UBL3: variants seen among roughly 807,000 people sequenced by gnomAD.
The protein encoded by UBL3 is ubiquitin like 3, also known as ubiquitin-like protein 3.
UBL3 carries 6 observed loss-of-function variants against 18.4 expected under a neutral mutation model. That is an observed-to-expected ratio of 0.33 (90% CI 0.18 to 0.64). The LOEUF is 0.64. UBL3 is among the 30% of genes least tolerant of loss of function. UBL3 has a pLI of 0.76. For synonymous variants in UBL3, 49 were observed against 46.6 expected (o/e 1.05, Z -0.21); for missense variants, 109 against 142.9 (o/e 0.76, Z 1.21).
At chr13:29,820,668 T>C (rs928815799) in intron 1 of UBL3, among the ~76,000 whole-genome samples, 3 of 152,204 alleles carry the variant, frequency 2.0e-5, no homozygotes, top group Non-Finnish European at 4.4e-5. Flanking sequence ...TGTCCTTTCA[T>C]TCTAATGAAT....
At chr13:29,822,174 A>G (rs1265540118) in intron 1 of UBL3, among the ~76,000 whole-genome samples, 1 of 152,238 alleles carries the variant, frequency 6.6e-6, no homozygotes, top group African/African-American at 2.4e-5. Context: ...AAATTTTGTA[A>G]TCACACATTT....
rs561262395 is a variant in UBL3 at position 29,787,062 on chromosome 13, T to C, written c.28-9799A>G. Among the ~76,000 whole-genome samples the C allele has an allele frequency of 3.3e-5, 5 of 152,318 alleles. No homozygotes were observed. In the South Asian group the frequency reaches 8.3e-4, roughly 25 times the overall value. ...TTATAGAAACCATTCAACTACTTAT[T>C]AGCTAAAATATTTTTGGGGGAACAC... is the stretch of plus-strand genomic sequence containing the variant. On this transcript the variant is annotated intron_variant, in intron 1 of 4. Transcript: ENST00000380680.
intron 1 of UBL3, 92 bp downstream of exon 1, chr13:29,849,420 C>T (rs1879311770): frequency 1.3e-6 from 2 of 1,577,124 alleles, no homozygotes; most frequent in South Asian, 1.1e-5. Flanking sequence ...CGACAGTCCC[C>T]AGCAAATCTT....
chr13:29,776,257 C>CTT (rs1565989095), intron 2 of UBL3, among the ~76,000 whole-genome samples: 3 of 97,176 alleles, frequency 3.1e-5, no homozygotes, highest in African/African-American at 3.9e-5. Flanking sequence ...TTTTTCTTTT[C>CTT]TTTCTTTTTT....
chr13:29,797,702 G>C (rs373425439), intron 1 of UBL3, among the ~76,000 whole-genome samples: 18 of 152,120 alleles, frequency 1.2e-4, no homozygotes, highest in African/African-American at 4.3e-4. Flanking sequence ...TCTTAAAACT[G>C]TTGTTAGTCT....
chr13:29,823,373 T>A (rs558955737), intron 1 of UBL3, among the ~76,000 whole-genome samples: 23 of 152,210 alleles, frequency 1.5e-4, no homozygotes, highest in Non-Finnish European at 1.3e-4. Context: ...ACTCCCGACC[T>A]CAGGTGATCC....
chr13:29,843,938 A>G (rs987896342), intron 1 of UBL3, among the ~76,000 whole-genome samples: 1 of 152,236 alleles, frequency 6.6e-6, no homozygotes, highest in East Asian at 1.9e-4. Flanking sequence ...AACAGCATAT[A>G]GAATACTCAT....
At chr13:29,794,350 C>CTA (rs1296913394) in intron 1 of UBL3, among the ~76,000 whole-genome samples, 3 of 129,106 alleles carry the variant, frequency 2.3e-5, no homozygotes, top group African/African-American at 9.0e-5. Flanking sequence ...TTTACTAACA[C>CTA]TACACACACA....
intron 1 of UBL3, 155 bp from the exon 2 acceptor site, chr13:29,777,418 T>G: frequency 1.4e-6 from 1 of 715,182 alleles, no homozygotes; most frequent in Non-Finnish European, 2.5e-6. Flanking sequence ...TTAAAAAGAA[T>G]GGGAATTTGA....
chr13:29,775,927 T>C (rs1876974426), intron 2 of UBL3, among the ~76,000 whole-genome samples: 1 of 151,884 alleles, frequency 6.6e-6, no homozygotes, highest in East Asian at 1.9e-4. Flanking sequence ...GACGGTCTTA[T>C]TATATAAAAA....
In UBL3 at chr13:29,849,671, T is replaced by C; in HGVS notation, c.-133A>G. 1 of 1,231,504 alleles carries C rather than the reference T, an allele frequency of 8.1e-7. No homozygotes were observed. The highest frequency in any genetic ancestry group is 1.2e-6 in the Non-Finnish European group (1 of 868,216). The allele number at this position is 1,231,504 out of a possible 1,614,324, so 76.3% of individuals were successfully genotyped here. On this transcript the variant is annotated 5_prime_UTR_variant, in exon 1 of 5. Transcript: ENST00000380680. Reference sequence around the variant, plus strand: ...TGTGCTTTCTCCCCCAAAAATAAAGTTATTTTGGAGCCAAAGTGCCGGTCA... The same window carrying C: ...TGTGCTTTCTCCCCCAAAAATAAAGCTATTTTGGAGCCAAAGTGCCGGTCA...
chr13:29,792,022 T>C (rs145902267), intron 1 of UBL3, among the ~76,000 whole-genome samples: 1 of 152,290 alleles, frequency 6.6e-6, no homozygotes, highest in African/African-American at 2.4e-5. Context: ...TTGGTTGTGT[T>C]TTGTTTCTCG....
At chr13:29,835,121 T>TAA (rs1174954685) in intron 1 of UBL3, among the ~76,000 whole-genome samples, 13 of 23,666 alleles carry the variant, frequency 5.5e-4, no homozygotes, top group South Asian at 1.4e-3. Context: ...TATATATATA[T>TAA]ATAAATATAT....
chr13:29,837,215 C>A (rs1267632956), intron 1 of UBL3, among the ~76,000 whole-genome samples: 1 of 151,954 alleles, frequency 6.6e-6, no homozygotes, highest in African/African-American at 2.4e-5. Context: ...GAAAAAGGAT[C>A]AAATAATCAA....
chr13:29,806,114 T>C (rs1170002879), intron 1 of UBL3, among the ~76,000 whole-genome samples: 1 of 152,256 alleles, frequency 6.6e-6, no homozygotes, highest in East Asian at 1.9e-4. Flanking sequence ...GAGGCAGAGG[T>C]TGCAGTGAGT....
chr13:29,782,714 T>C (rs1877209576), intron 1 of UBL3, among the ~76,000 whole-genome samples: 1 of 152,174 alleles, frequency 6.6e-6, no homozygotes. Flanking sequence ...TAAAATCTTC[T>C]ACTCAGAGGA....
intron 1 of UBL3, among the ~76,000 whole-genome samples, chr13:29,805,162 T>G (rs921301164): frequency 4.6e-5 from 7 of 152,162 alleles, no homozygotes; most frequent in Non-Finnish European, 8.8e-5. Flanking sequence ...AATTAAGAGG[T>G]ATTTAAAATA....
chr13:29,783,303 A>G (rs1339011025), intron 1 of UBL3, among the ~76,000 whole-genome samples: 1 of 152,250 alleles, frequency 6.6e-6, no homozygotes, highest in Non-Finnish European at 1.5e-5. Context: ...ATTAACGTAT[A>G]CATTTGGGTC....
chr13:29,790,312 C>CTAG (rs1877448614), intron 1 of UBL3, among the ~76,000 whole-genome samples: 1 of 152,154 alleles, frequency 6.6e-6, no homozygotes, highest in Non-Finnish European at 1.5e-5. Flanking sequence ...AAATCCAATG[C>CTAG]TCTAATTTCT....
Sources: allele counts gnomAD v4.1 joint callset (sites outside exome capture counted in the v4.1 genomes callset), GRCh38; gene constraint gnomAD v4.1.1; transcripts MANE v1.5; gene names NCBI Gene and HGNC (gene_info 2026-07-23, HGNC 2026-07-21).